The following ZBBX variants were observed in gnomAD, a reference collection of about 807,000 sequenced individuals.
ZBBX encodes the protein zinc finger B-box domain-containing protein 1.
A neutral mutation model predicts 108.5 loss-of-function variants in ZBBX; 101 were observed. That is an observed-to-expected ratio of 0.93 (90% CI 0.79 to 1.10). The LOEUF (loss-of-function observed/expected upper bound fraction) is 1.10. Ranked by LOEUF, ZBBX falls within the 50% of genes least tolerant of loss-of-function variation. The pLI, the probability that ZBBX is intolerant of heterozygous loss-of-function variation, is 0.00. For synonymous variants in ZBBX, 356 were observed against 323.4 expected, an observed-to-expected ratio of 1.10 and a Z score of -1.08; for missense variants, 1,009 against 941.4, an observed-to-expected ratio of 1.07 and a Z score of -0.94.
At chr3:167,305,490 CGT>C (rs1733472207) in intron 17 of ZBBX, among the ~76,000 whole-genome samples, 151 bp downstream of exon 17, 1 of 152,048 alleles carries the variant, frequency 6.6e-6, no homozygotes, top group South Asian at 2.1e-4. Context: ...TGTTCTCTCC[CGT>C]ATGAGTCACT....
chr3:167,295,340 C>T (rs556512059), intron 18 of ZBBX, among the ~76,000 whole-genome samples: 1 of 152,118 alleles, frequency 6.6e-6, no homozygotes, highest in South Asian at 2.1e-4. Context: ...TACATATACA[C>T]CATGGAATAT....
chr3:167,318,553 T>C (rs1202925962), intron 12 of ZBBX, among the ~76,000 whole-genome samples: 1 of 151,984 alleles, frequency 6.6e-6, no homozygotes, highest in African/African-American at 2.4e-5. Flanking sequence ...CGTACTTCCT[T>C]TGTAATGCCT....
chr3:167,182,898 TG>T, the ZBBX span, among the ~76,000 whole-genome samples: 1,479 of 152,344 alleles, frequency 9.7e-3, 15 homozygotes, highest in South Asian at 0.037. Flanking sequence ...CCTGTTGATC[TG>T]GGGGGTGTAT....
chr3:167,221,164 T>C, the ZBBX span, among the ~76,000 whole-genome samples: 1 of 151,858 alleles, frequency 6.6e-6, no homozygotes, highest in Non-Finnish European at 1.5e-5. Context: ...TAAATATAAT[T>C]CTTATCAAAA....
chr3:167,381,146 C>T (rs1747688689), upstream of ZBBX, among the ~76,000 whole-genome samples: 1 of 151,940 alleles, frequency 6.6e-6, no homozygotes, highest in South Asian at 2.1e-4. Context: ...TTACTTTTGA[C>T]ATTACTATGC....
At chr3:167,367,019 C>A in intron 5 of ZBBX, 1 of 397,952 alleles carries the variant, frequency 2.5e-6, no homozygotes, top group Admixed American at 2.7e-5. Context: ...AAGAAATGGA[C>A]TCTAAAGATA....
intron 20 of ZBBX, among the ~76,000 whole-genome samples, chr3:167,278,912 G>C (rs1399360612): frequency 1.3e-5 from 2 of 151,972 alleles, no homozygotes; most frequent in Non-Finnish European, 2.9e-5. Context: ...ATGATCAAGT[G>C]GGCTTCATCC....
At chr3:167,371,714 C>T (rs1231687497) in intron 4 of ZBBX, among the ~76,000 whole-genome samples, 1 of 152,042 alleles carries the variant, frequency 6.6e-6, no homozygotes, top group Non-Finnish European at 1.5e-5. Context: ...AATTGGTAGT[C>T]CTAGCAATTA....
intron 20 of ZBBX, among the ~76,000 whole-genome samples, chr3:167,250,280 A>G (rs1722346675): frequency 6.6e-6 from 1 of 152,170 alleles, no homozygotes; most frequent in Non-Finnish European, 1.5e-5. Flanking sequence ...GATGACCACC[A>G]TGTAAGCCCA....
At chr3:167,308,106 G>A (rs1733978963) in intron 16 of ZBBX, among the ~76,000 whole-genome samples, 1 of 152,008 alleles carries the variant, frequency 6.6e-6, no homozygotes, top group Non-Finnish European at 1.5e-5. Flanking sequence ...GGAACTTAAA[G>A]AAATTTGCAA....
intron 12 of ZBBX, among the ~76,000 whole-genome samples, 183 bp from the exon 13 acceptor site, chr3:167,317,780 CTG>C (rs1187038037): frequency 6.6e-6 from 1 of 151,766 alleles, no homozygotes; most frequent in Non-Finnish European, 1.5e-5. Flanking sequence ...TAAAAAAAAA[CTG>C]TGTAAATCAA....
chr3:167,228,087 T>A, the ZBBX span, among the ~76,000 whole-genome samples: 1 of 151,748 alleles, frequency 6.6e-6, no homozygotes, highest in Non-Finnish European at 1.5e-5. Flanking sequence ...TCTCTAAAAC[T>A]AGAAAGAATC....
the ZBBX span, among the ~76,000 whole-genome samples, chr3:167,208,428 G>A: frequency 1.3e-5 from 2 of 152,220 alleles, no homozygotes; most frequent in Non-Finnish European, 2.9e-5. Context: ...GAGGAGAAGA[G>A]AGAGGAGAGT....
chr3:167,298,617 T>A (rs1732074034), intron 17 of ZBBX, among the ~76,000 whole-genome samples, 159 bp from the exon 18 acceptor site: 1 of 152,054 alleles, frequency 6.6e-6, no homozygotes, highest in Non-Finnish European at 1.5e-5. Context: ...TAAAACAACA[T>A]TTATATATAG....
intron 20 of ZBBX, among the ~76,000 whole-genome samples, chr3:167,271,133 GA>G (rs1192087147): frequency 4.6e-5 from 7 of 152,196 alleles, no homozygotes; most frequent in Non-Finnish European, 7.3e-5. Flanking sequence ...GTAATTGCAG[GA>G]AGGAACCATC....
intron 16 of ZBBX, among the ~76,000 whole-genome samples, chr3:167,313,417 A>T (rs1039186287): frequency 6.6e-6 from 1 of 152,026 alleles, no homozygotes; most frequent in African/African-American, 2.4e-5. Context: ...CTGGGATTAT[A>T]GGCACCTGCC....
chr3:167,367,759 T>A (rs1474765317), intron 5 of ZBBX, among the ~76,000 whole-genome samples: 1 of 151,366 alleles, frequency 6.6e-6, no homozygotes, highest in East Asian at 1.9e-4. Flanking sequence ...AGCCTAGAGC[T>A]AAGAAGAGAG....
At chr3:167,292,780 C>T (rs1203229497) in intron 18 of ZBBX, among the ~76,000 whole-genome samples, 5 of 151,738 alleles carry the variant, frequency 3.3e-5, no homozygotes, top group African/African-American at 1.2e-4. Flanking sequence ...TTTGAAAAGA[C>T]CAACAAAGTA....
intron 1 of ZBBX, among the ~76,000 whole-genome samples, chr3:167,396,482 T>C (rs1748238528): frequency 1.3e-5 from 2 of 152,040 alleles, no homozygotes; most frequent in African/African-American, 2.4e-5. Context: ...CGGCATTAGA[T>C]TGAGCACTAG....
Sources: allele counts gnomAD v4.1 joint callset (sites outside exome capture counted in the v4.1 genomes callset), GRCh38; gene constraint gnomAD v4.1.1; transcripts MANE v1.5; gene names NCBI Gene and HGNC (gene_info 2026-07-23, HGNC 2026-07-21).